Variants in NSUN6 observed in about 807,000 individuals in gnomAD.
The protein encoded by NSUN6 is NOP2/Sun RNA methyltransferase 6, also known as tRNA (cytosine(72)-C(5))-methyltransferase NSUN6.
A neutral mutation model predicts 58.0 loss-of-function variants in NSUN6; 64 were observed. The ratio of observed to expected loss-of-function variants is 1.10; its 90% confidence interval spans 0.90 to 1.36. The LOEUF (loss-of-function observed/expected upper bound fraction) is 1.36, where lower values mean the gene tolerates loss of function less well. Ranked by LOEUF, NSUN6 falls within the 40% of genes most tolerant of loss-of-function variation. NSUN6 has a pLI of 0.00. For synonymous variants in NSUN6, 231 were observed against 193.9 expected (o/e 1.19, Z -1.59); for missense variants, 701 against 550.1 (o/e 1.27, Z -2.74).
At chr10:18,578,032 T>A (rs1352012942) in intron 8 of NSUN6, among the ~76,000 whole-genome samples, 1 of 152,166 alleles carries the variant, frequency 6.6e-6, no homozygotes, top group Non-Finnish European at 1.5e-5. Flanking sequence ...CAGAAGTAAA[T>A]CGCCTTGCTG....
intron 8 of NSUN6, among the ~76,000 whole-genome samples, chr10:18,554,014 GA>G (rs1188788038): frequency 6.6e-6 from 1 of 151,378 alleles, no homozygotes; most frequent in Non-Finnish European, 1.5e-5. Context: ...ATTGATTACA[GA>G]ATGGAATGGC....
intron 3 of NSUN6, among the ~76,000 whole-genome samples, chr10:18,627,285 G>A (rs1371202669): frequency 6.6e-6 from 1 of 152,128 alleles, no homozygotes; most frequent in Non-Finnish European, 1.5e-5. Context: ...TGTATATAAA[G>A]TTTAACTGAT....
At chr10:18,577,207 G>A (rs994260626) in intron 8 of NSUN6, among the ~76,000 whole-genome samples, 1 of 152,182 alleles carries the variant, frequency 6.6e-6, no homozygotes, top group Non-Finnish European at 1.5e-5. Context: ...TTAGCAGAAA[G>A]AGGAGGAGTT....
chr10:18,545,767 T>C lies in NSUN6; in HGVS notation c.*166A>G. On this transcript the variant is annotated 3_prime_UTR_variant, in exon 11 of 11. Coordinates refer to ENST00000377304, the MANE Select transcript of NSUN6 (RefSeq NM_182543.5). ...GAAAATATAATCTCATACCACCCCC[T>C]ACTTCCTCTATGTCTCTGGATCCCT... The C allele has an allele frequency of 1.7e-6, 1 of 588,336 alleles. No homozygotes were observed. Among genetic ancestry groups the C allele is most frequent in the Non-Finnish European group, 2.9e-6 (1 of 340,638 alleles). The allele number at this position is 588,336 out of a possible 1,614,324, so 36.4% of individuals were successfully genotyped here.
intron 1 of NSUN6, among the ~76,000 whole-genome samples, chr10:18,650,538 T>A (rs7095666): frequency 0.74 from 113,212 of 152,102 alleles, 42,431 homozygotes; most frequent in East Asian, 0.98. Context: ...ATGCAAATCA[T>A]GTGCCTGAGA....
intron 8 of NSUN6, among the ~76,000 whole-genome samples, chr10:18,572,343 CCAATCCACATTCCATTCCATTCTCCAT>C (rs2056414370): frequency 2.6e-5 from 4 of 151,468 alleles, no homozygotes; most frequent in African/African-American, 7.3e-5. Context: ...ATTCTCCATT[CCAATCCACATTCCATTCCATTCTCCAT>C]TCCATTCCAT....
chr10:18,596,196 A>C lies in NSUN6; in HGVS notation c.777+12T>G. ...TACTTTGAGAGTGGATTTGCTGTGAAGACAGTCTCACCTGATCATGCATTA... is the reference window on the plus strand; with the variant it reads ...TACTTTGAGAGTGGATTTGCTGTGACGACAGTCTCACCTGATCATGCATTA... On this transcript the variant is annotated intron_variant, in intron 7 of 10. Coordinates refer to ENST00000377304, the MANE Select transcript of NSUN6 (RefSeq NM_182543.5). The C allele has an allele frequency of 1.2e-6, 2 of 1,606,428 alleles. No homozygotes were observed. The highest frequency in any genetic ancestry group is 1.7e-6 in the Non-Finnish European group (2 of 1,173,968).
At chr10:18,624,273 C>A (rs1280619987) in intron 3 of NSUN6, among the ~76,000 whole-genome samples, 1 of 151,732 alleles carries the variant, frequency 6.6e-6, no homozygotes, top group Non-Finnish European at 1.5e-5. Context: ...TATTTTCAAT[C>A]CCCATTTTAG....
chr10:18,596,275 T>C lies in NSUN6; in HGVS notation c.710A>G (p.Lys237Arg). 1 of 1,603,344 alleles carries C rather than the reference T, an allele frequency of 6.2e-7. No individual in the cohort carries two copies. Among genetic ancestry groups the C allele is most frequent in the Non-Finnish European group, 8.5e-7 (1 of 1,170,142 alleles). ...SHVLNPQPGE[K>R]ILDLCAAPGG... ...AGGTGCTGCACACAAGTCTAGAATC[T>C]TCTCTCCAGGTTGAGGATTTAGTAC... The change falls in exon 7 of 11, where the codon AAG becomes AGG. Residue 237 changes from lysine (K) to arginine (R), a missense_variant. Physicochemically the swap from Lys to Arg is conservative, Grantham distance 26. Transcript: ENST00000377304.
intron 6 of NSUN6, 90 bp downstream of exon 6, chr10:18,609,755 A>G: frequency 1.3e-6 from 1 of 782,258 alleles, no homozygotes; most frequent in Non-Finnish European, 2.1e-6. Flanking sequence ...CCACAGAAAA[A>G]ATCTTAAATT....
intron 3 of NSUN6, among the ~76,000 whole-genome samples, chr10:18,625,077 A>C (rs1424075405): frequency 6.6e-6 from 1 of 152,164 alleles, no homozygotes; most frequent in Admixed American, 6.5e-5. Context: ...GGAGGAATTA[A>C]GCATGTCCTA....
rs564140976 is a variant in NSUN6 at position 18,628,067 on chromosome 10, G to A, written c.312-11774C>T. Among the ~76,000 whole-genome samples, 6 of 152,128 alleles carry A rather than the reference G, an allele frequency of 3.9e-5. No individual in the cohort carries two copies. In the East Asian group the frequency reaches 5.8e-4, roughly 15 times the overall value. On this transcript the variant is annotated intron_variant, in intron 3 of 10. Coordinates refer to ENST00000377304, the MANE Select transcript of NSUN6 (RefSeq NM_182543.5). ...AGCACGCAGCTGGAGATCTGAGAAC[G>A]GGCAGACTGCCTCAAGTGGGTCCCT...
chr10:18,586,125 A>G (rs536355879), intron 7 of NSUN6, 32 bp from the exon 8 acceptor site: 1 of 1,480,660 alleles, frequency 6.8e-7, no homozygotes, highest in South Asian at 1.3e-5. Flanking sequence ...ACATGCAGAA[A>G]AAAAAAAAGA....
chr10:18,562,686 A>C (rs1010060086), intron 8 of NSUN6, among the ~76,000 whole-genome samples: 1 of 149,394 alleles, frequency 6.7e-6, no homozygotes, highest in Non-Finnish European at 1.5e-5. Flanking sequence ...AATGGAATGC[A>C]GAATAGAGAA....
chr10:18,629,579 AAC>A, intron 3 of NSUN6, among the ~76,000 whole-genome samples: 1 of 145,344 alleles, frequency 6.9e-6, no homozygotes. Flanking sequence ...GCTAATGGAA[AAC>A]AAAAAAGGCA....
At chr10:18,654,315 CT>C (rs1422276312), upstream of NSUN6, among the ~76,000 whole-genome samples, 1 of 152,132 alleles carries the variant, frequency 6.6e-6, no homozygotes, top group African/African-American at 2.4e-5. Context: ...TCCAGGTTGC[CT>C]TTTTATTTCT....
chr10:18,545,945 G>A lies in NSUN6; in HGVS notation c.1398C>T (p.Cys466=), dbSNP rs781070000. Residue 466 remains cysteine, a synonymous_variant, in exon 11 of 11, where the codon TGC becomes TGT. Coordinates refer to ENST00000377304, the MANE Select transcript of NSUN6 (RefSeq NM_182543.5). ...IGFFIAKFVK[C]KST ...ATCCATCCCTCTCCTATGTGCTTTT[G>A]CATTTTACAAATTTTGCAATAAAAA... is the stretch of plus-strand genomic sequence containing the variant. The A allele has an allele frequency of 5.8e-6, 9 of 1,564,584 alleles. No individual in the cohort carries two copies. Among genetic ancestry groups the A allele is most frequent in the African/African-American group, 2.8e-5 (2 of 71,788 alleles).
chr10:18,597,887 C>CA (rs1399560797), intron 6 of NSUN6, among the ~76,000 whole-genome samples: 1 of 152,188 alleles, frequency 6.6e-6, no homozygotes, highest in Non-Finnish European at 1.5e-5. Flanking sequence ...AAAGCAGTTT[C>CA]AAACAAGCAA....
chr10:18,602,484 T>C (rs1263361737), intron 6 of NSUN6, among the ~76,000 whole-genome samples: 3 of 152,114 alleles, frequency 2.0e-5, no homozygotes, highest in Non-Finnish European at 4.4e-5. Flanking sequence ...TCCGCCCACC[T>C]TGGCCTCCCA....
Sources: gnomAD v4.1 joint callset for allele counts (sites outside exome capture counted in the v4.1 genomes callset) on GRCh38, gnomAD v4.1.1 for gene constraint, MANE v1.5 for transcripts, NCBI Gene and HGNC (gene_info 2026-07-23, HGNC 2026-07-21) for gene names.